Variants in SSPN observed in about 807,000 individuals in gnomAD.
SSPN encodes the protein K-ras oncogene-associated protein.
Under a neutral mutation model 19.1 loss-of-function variants are expected in SSPN, and 15 were observed. The observed-to-expected ratio is 0.78, with a 90% CI of 0.52 to 1.21. The LOEUF is 1.21. Ranked by LOEUF, SSPN falls within the 50% of genes most tolerant of loss-of-function variation. SSPN has a pLI of 0.00. For synonymous variants in SSPN, 147 were observed against 140.3 expected (o/e 1.05, Z -0.34); for missense variants, 291 against 314.0 (o/e 0.93, Z 0.55).
In SSPN at chr12:26,205,099, A is replaced by G. The variant is rs117598910; in HGVS notation, c.279+9148A>G. Among the ~76,000 whole-genome samples the G allele has an allele frequency of 6.1e-3, 935 of 152,330 alleles. 12 individuals are homozygous for G. Among genetic ancestry groups the G allele is most frequent in the Non-Finnish European group, 9.5e-3 (645 of 68,022 alleles). Reference sequence around the variant, plus strand: ...GCAGACAGTTTGTTCACAAATGAGCATTCTCAGATTCTGCTGAAGAAGTTC... The same window carrying G: ...GCAGACAGTTTGTTCACAAATGAGCGTTCTCAGATTCTGCTGAAGAAGTTC... On this transcript the variant is annotated intron_variant, in intron 1 of 2. Coordinates refer to ENST00000242729, the MANE Select transcript of SSPN (RefSeq NM_005086.5).
intron 1 of SSPN, among the ~76,000 whole-genome samples, chr12:26,129,555 T>C (rs1365617056): frequency 6.6e-6 from 1 of 152,218 alleles, no homozygotes; most frequent in Non-Finnish European, 1.5e-5. Flanking sequence ...ATGATGTTAT[T>C]TGCTGAAAGT....
chr12:26,167,139 C>T (rs1944626040), intron 1 of SSPN, among the ~76,000 whole-genome samples: 2 of 152,048 alleles, frequency 1.3e-5, no homozygotes, highest in African/African-American at 2.4e-5. Context: ...TTTAATTAGT[C>T]AATTAATTCG....
At chr12:26,216,139 C>G (rs1945046358) in intron 1 of SSPN, among the ~76,000 whole-genome samples, 1 of 152,074 alleles carries the variant, frequency 6.6e-6, no homozygotes, top group East Asian at 1.9e-4. Flanking sequence ...ATAAATGACT[C>G]TCTATAAGAA....
intron 1 of SSPN, chr12:26,122,856 A>C: frequency 3.2e-6 from 5 of 1,569,422 alleles, no homozygotes; most frequent in Non-Finnish European, 4.3e-6. Context: ...CCGCTGGATG[A>C]CGGGCACGCA....
intron 1 of SSPN, among the ~76,000 whole-genome samples, chr12:26,140,530 G>A (rs748743952): frequency 5.3e-5 from 8 of 152,276 alleles, no homozygotes; most frequent in African/African-American, 1.2e-4. Flanking sequence ...ATGTTGAATT[G>A]TAATCCCCAG....
At chr12:26,225,481 A>C (rs957349654) in intron 2 of SSPN, among the ~76,000 whole-genome samples, 3 of 152,202 alleles carry the variant, frequency 2.0e-5, no homozygotes, top group Admixed American at 6.5e-5. Flanking sequence ...ACAATTATCT[A>C]TGAGTGGTGG....
chr12:26,142,756 C>T (rs1236184487), intron 1 of SSPN, among the ~76,000 whole-genome samples: 1 of 152,138 alleles, frequency 6.6e-6, no homozygotes, highest in East Asian at 1.9e-4. Flanking sequence ...GGAATACTGA[C>T]TTTTACACAT....
chr12:26,124,253 G>GGGGGGGGC, intron 1 of SSPN: 1 of 785,900 alleles, frequency 1.3e-6, no homozygotes, highest in East Asian at 2.8e-5. Context: ...ACCCTCGTCT[G>GGGGGGGGC]CCCCCCCCGC....
chr12:26,158,641 G>C (rs950971720), intron 1 of SSPN, among the ~76,000 whole-genome samples: 1 of 152,256 alleles, frequency 6.6e-6, no homozygotes, highest in African/African-American at 2.4e-5. Context: ...ATGAGTCCTG[G>C]CTGGGGAAGG....
At chr12:26,130,703 A>G (rs1591842485) in intron 1 of SSPN, among the ~76,000 whole-genome samples, 1 of 152,176 alleles carries the variant, frequency 6.6e-6, no homozygotes, top group East Asian at 1.9e-4. Flanking sequence ...TTGGTCACAT[A>G]AAAGAAGTCT....
chr12:26,216,666 TG>T (rs1243430396), intron 1 of SSPN, among the ~76,000 whole-genome samples: 1 of 94,114 alleles, frequency 1.1e-5, no homozygotes, highest in Admixed American at 1.4e-4. Flanking sequence ...ATGTCCTGAA[TG>T]GTAATGCCTA....
intron 1 of SSPN, among the ~76,000 whole-genome samples, chr12:26,147,266 G>GTT (rs145504465): frequency 0.045 from 5,757 of 128,486 alleles, 142 homozygotes; most frequent in South Asian, 0.082. Flanking sequence ...TAATTTTTGG[G>GTT]GTTTTTTTTG....
intron 1 of SSPN, among the ~76,000 whole-genome samples, chr12:26,140,469 G>A (rs1002222552): frequency 6.6e-6 from 1 of 152,114 alleles, no homozygotes; most frequent in Non-Finnish European, 1.5e-5. Context: ...CTCTCATTGG[G>A]ACTATTGAGA....
chr12:26,183,510 T>C (rs929270649), intron 1 of SSPN, among the ~76,000 whole-genome samples: 2 of 152,264 alleles, frequency 1.3e-5, no homozygotes, highest in Non-Finnish European at 2.9e-5. Flanking sequence ...TTTCTCCATC[T>C]ACTGAGTTGT....
chr12:26,230,880 G>A lies in SSPN; in HGVS notation c.536G>A (p.Arg179Gln), dbSNP rs765298176. Residue 179 changes from arginine (R) to glutamine (Q), a missense_variant, in exon 3 of 3, where the codon CGG becomes CAG. Coordinates refer to ENST00000242729, the MANE Select transcript of SSPN (RefSeq NM_005086.5). ...CCGCTCAGCAGGACCTTTGTTTACC[G>A]GGATGTGACGGACTGTACCAGCGTC... Reference protein sequence around the residue: ...SEPLSRTFVYRDVTDCTSVTG... With the variant: ...SEPLSRTFVYQDVTDCTSVTG... 5.8e-5 allele frequency: 94 copies of A among 1,614,016 alleles called. No homozygotes were observed. Among genetic ancestry groups the A allele is most frequent in the Non-Finnish European group, 7.7e-5 (91 of 1,180,044 alleles).
intron 1 of SSPN, among the ~76,000 whole-genome samples, chr12:26,183,982 C>T (rs1237091343): frequency 1.3e-5 from 2 of 152,160 alleles, no homozygotes; most frequent in African/African-American, 2.4e-5. Flanking sequence ...GGGAGCAGCC[C>T]CTGACTCAGC....
intron 1 of SSPN, chr12:26,122,309 G>GGCGGCTGCC (rs917726348): frequency 4.6e-5 from 54 of 1,174,948 alleles, no homozygotes; most frequent in Non-Finnish European, 5.1e-5. Flanking sequence ...CAGCGGCGGC[G>GGCGGCTGCC]GCGGCTGCCG....
intron 1 of SSPN, among the ~76,000 whole-genome samples, chr12:26,159,759 C>T (rs984945460): frequency 7.2e-5 from 11 of 152,156 alleles, no homozygotes; most frequent in African/African-American, 2.4e-4. Context: ...CAGATGTTGG[C>T]TGAATGAAAA....
Position 26,195,643 on chromosome 12 carries a change from A to ACACCCCC in SSPN, c.-29_-28insACCCCCC. 7 of 242,022 alleles carry ACACCCCC rather than the reference A, an allele frequency of 2.9e-5. No homozygotes were observed. Among genetic ancestry groups the ACACCCCC allele is most frequent in the South Asian group, 6.4e-5 (1 of 15,712 alleles). 15.0% of individuals were successfully genotyped at this position (242,022 alleles called of 1,614,324 possible). A position where few individuals can be genotyped will look rare whatever the true frequency, so the allele number is the denominator to read the frequency against. On this transcript the variant is annotated 5_prime_UTR_variant, in exon 1 of 3. Coordinates refer to ENST00000242729, the MANE Select transcript of SSPN (RefSeq NM_005086.5). The stretch of plus-strand genomic sequence containing the variant: ...CCAGGGCCCAGGGCGCCGCACACGC[A>ACACCCCC]CCCACCCACCCACCCAGCCTCGCAG...
Sources: allele counts gnomAD v4.1 joint callset (sites outside exome capture counted in the v4.1 genomes callset), GRCh38; gene constraint gnomAD v4.1.1; transcripts MANE v1.5; gene names NCBI Gene and HGNC (gene_info 2026-07-23, HGNC 2026-07-21).